The following RNF169 variants were observed in gnomAD, a reference collection of about 807,000 sequenced individuals.
RNF169 encodes the protein ring finger protein 169.
RNF169 carries 24 observed loss-of-function variants against 53.9 expected under a neutral mutation model. That is an observed-to-expected ratio of 0.45 (90% CI 0.32 to 0.63). The LOEUF is 0.63. Among genes scored for constraint, RNF169 ranks in the 20% least tolerant of loss-of-function variants. The pLI is 0.04. For synonymous variants in RNF169, 396 were observed against 363.5 expected, an observed-to-expected ratio of 1.09 and a Z score of -1.02; for missense variants, 883 against 906.2, an observed-to-expected ratio of 0.97 and a Z score of 0.33.
chr11:74,818,802 A>ATC (rs141119672), intron 4 of RNF169, among the ~76,000 whole-genome samples: 2 of 151,728 alleles, frequency 1.3e-5, no homozygotes, highest in Admixed American at 6.6e-5. Context: ...TATTTAGTAG[A>ATC]TCTCTCTCTC....
chr11:74,754,645 A>T (rs756897356), intron 1 of RNF169, among the ~76,000 whole-genome samples: 1 of 151,998 alleles, frequency 6.6e-6, no homozygotes, highest in African/African-American at 2.4e-5. Context: ...ACATGGGGAA[A>T]CCCTGTCTTT....
At chr11:74,779,001 T>G (rs2035378131) in intron 1 of RNF169, among the ~76,000 whole-genome samples, 1 of 152,382 alleles carries the variant, frequency 6.6e-6, no homozygotes, top group East Asian at 1.9e-4. Context: ...TTATTAAAAG[T>G]ATACAATTTT....
chr11:74,759,746 A>G (rs2035048920), intron 1 of RNF169, among the ~76,000 whole-genome samples: 1 of 147,528 alleles, frequency 6.8e-6, no homozygotes, highest in Admixed American at 6.7e-5. Context: ...ATCAATGTTC[A>G]TCAAGGATAT....
chr11:74,823,127 T>C (rs2036040288), intron 4 of RNF169, among the ~76,000 whole-genome samples: 3 of 152,236 alleles, frequency 2.0e-5, no homozygotes, highest in Admixed American at 2.0e-4. Context: ...TTATGTTTTA[T>C]ATAATATTTT....
intron 4 of RNF169, among the ~76,000 whole-genome samples, chr11:74,829,861 G>T (rs1280855142): frequency 6.6e-6 from 1 of 152,118 alleles, no homozygotes; most frequent in Non-Finnish European, 1.5e-5. Context: ...AGGAGAATGG[G>T]GGTGGGAGGA....
At chr11:74,774,783 C>T (rs539984315) in intron 1 of RNF169, among the ~76,000 whole-genome samples, 3 of 152,028 alleles carry the variant, frequency 2.0e-5, no homozygotes, top group Non-Finnish European at 2.9e-5. Context: ...GATGAAACCC[C>T]GTCTCTACTA....
intron 1 of RNF169, among the ~76,000 whole-genome samples, chr11:74,776,353 T>TTA (rs1333081977): frequency 6.6e-6 from 1 of 152,014 alleles, no homozygotes; most frequent in Non-Finnish European, 1.5e-5. Context: ...TTGGACTCTA[T>TTA]TAAAGTTGAT....
Position 74,834,719 on chromosome 11 carries a change from A to G in RNF169, c.886A>G (p.Thr296Ala). Residue 296 changes from threonine to alanine, a missense_variant, in exon 5 of 6, where the codon ACA becomes GCA. Thr to Ala is a moderately conservative substitution (Grantham distance 58). This residue lies in a region of RNF169 where 219 missense variants were observed against 289.1 expected (regional missense o/e 0.76). Transcript: ENST00000299563. ...KVERSQSCSD[T>A]AQERAKSRVR... ...GGAAAGGAGTCAGAGCTGTAGTGAC[A>G]CAGCCCAGGAAAGAGCGAAGAGCAG... is the stretch of plus-strand genomic sequence containing the variant. 1.9e-6 allele frequency: 3 copies of G among 1,613,930 alleles called. No homozygotes were observed. Among genetic ancestry groups the G allele is most frequent in the Middle Eastern group, 1.7e-4 (1 of 6,060 alleles).
rs1303563 is a variant in RNF169, at chr11:74,821,644, C to T, written c.842+3930C>T. 6.2e-5 allele frequency among the ~76,000 whole-genome samples: 3 copies of T among 48,202 alleles called. 1 individual carries two copies. The highest frequency in any genetic ancestry group is 1.2e-3 in the East Asian group (2 of 1,676). The allele number at this position is 48,202 out of a possible 152,430, so 31.6% of individuals were successfully genotyped here. On this transcript the variant is annotated intron_variant, in intron 4 of 5. Transcript: ENST00000299563. ...CTGCACTCCAGCCTGGGCGACAGAG[C>T]GAGACTCCGTCTCAAAAAAAAAAAA...
intron 2 of RNF169, among the ~76,000 whole-genome samples, chr11:74,809,658 A>T (rs768651843): frequency 6.6e-6 from 1 of 152,252 alleles, no homozygotes; most frequent in South Asian, 2.1e-4. Flanking sequence ...CATCTCTACT[A>T]TTATAAAATT....
At chr11:74,814,808 T>G (rs115216971) in intron 3 of RNF169, among the ~76,000 whole-genome samples, 1 of 152,208 alleles carries the variant, frequency 6.6e-6, no homozygotes, top group African/African-American at 2.4e-5. Context: ...TAAACACCAT[T>G]GTGATGGAAT....
rs141063744 is a variant in RNF169, at chr11:74,797,336, T to A, written c.576+7637T>A. 1.2e-4 allele frequency among the ~76,000 whole-genome samples: 19 copies of A among 152,368 alleles called. No homozygotes were observed. In the East Asian group the frequency reaches 3.7e-3, roughly 29 times the overall value. ...CATTGCACTTAAATCCATTTGGCTGTGTAGTGTATCATGAACTGAATGTTG... is the reference window on the plus strand; with the variant it reads ...CATTGCACTTAAATCCATTTGGCTGAGTAGTGTATCATGAACTGAATGTTG... On this transcript the variant is annotated intron_variant, in intron 2 of 5. Coordinates refer to ENST00000299563, the MANE Select transcript of RNF169 (RefSeq NM_001098638.2).
chr11:74,833,156 A>C (rs2036205030), intron 4 of RNF169, among the ~76,000 whole-genome samples: 1 of 152,164 alleles, frequency 6.6e-6, no homozygotes, highest in African/African-American at 2.4e-5. Context: ...ATAACACAGA[A>C]ATACTGGAAT....
intron 1 of RNF169, among the ~76,000 whole-genome samples, chr11:74,770,450 A>AT (rs2035243389): frequency 6.6e-6 from 1 of 152,218 alleles, no homozygotes; most frequent in South Asian, 2.1e-4. Flanking sequence ...TACTGAGGCC[A>AT]TTTGTTCATT....
chr11:74,835,587 C>A lies in RNF169; in HGVS notation c.984C>A (p.Val328=). Reference sequence around the variant, plus strand: ...CAGCCTCCAACCCCATCATTGGTGTCCTCTTGTCAACTCAAAACAACCGCT... The same window carrying A: ...CAGCCTCCAACCCCATCATTGGTGTACTCTTGTCAACTCAAAACAACCGCT... ...MTPASNPIIG[V]LLSTQNNRCV... is the part of the protein sequence containing the mutation. Residue 328 remains valine, a synonymous_variant, in exon 6 of 6, where the codon GTC becomes GTA. Transcript: ENST00000299563. 1.2e-6 allele frequency: 2 copies of A among 1,614,164 alleles called. No homozygotes were observed. The highest frequency in any genetic ancestry group is 4.5e-5 in the East Asian group (2 of 44,878).
chr11:74,829,833 A>G (rs1471679842), intron 4 of RNF169, among the ~76,000 whole-genome samples: 2 of 152,074 alleles, frequency 1.3e-5, no homozygotes, highest in African/African-American at 4.8e-5. Flanking sequence ...TGGGGAAACA[A>G]CACACACTGG....
At chr11:74,794,495 AG>A (rs1395934796) in intron 2 of RNF169, among the ~76,000 whole-genome samples, 3 of 152,240 alleles carry the variant, frequency 2.0e-5, no homozygotes. Flanking sequence ...CTGGAAAGCT[AG>A]GAAGTGGTGG....
intron 1 of RNF169, among the ~76,000 whole-genome samples, chr11:74,770,828 T>C (rs2035249277): frequency 6.6e-6 from 1 of 152,172 alleles, no homozygotes. Context: ...TTTTTTGAGA[T>C]GGAGTCTTGC....
At chr11:74,802,708 T>A (rs1194847625) in intron 2 of RNF169, among the ~76,000 whole-genome samples, 1 of 152,162 alleles carries the variant, frequency 6.6e-6, no homozygotes, top group African/African-American at 2.4e-5. Context: ...TCATTTTTGG[T>A]CAAGACTATA....
Sources: allele counts gnomAD v4.1 joint callset (sites outside exome capture counted in the v4.1 genomes callset), GRCh38; gene constraint gnomAD v4.1.1; regional missense constraint gnomAD v4.1.1; transcripts MANE v1.5; gene names NCBI Gene and HGNC (gene_info 2026-07-23, HGNC 2026-07-21).